The following CMTM8 variants were observed in gnomAD, a reference collection of about 807,000 sequenced individuals.
The protein encoded by CMTM8 is CKLF like MARVEL transmembrane domain containing 8.
Under a neutral mutation model 18.6 loss-of-function variants are expected in CMTM8, and 12 were observed. That is an observed-to-expected ratio of 0.65 (90% CI 0.41 to 1.05). The LOEUF is 1.05. Ranked by LOEUF, CMTM8 falls within the 50% of genes least tolerant of loss-of-function variation. The pLI, the probability that CMTM8 is intolerant of heterozygous loss-of-function variation, is 0.00. For missense variants in CMTM8, 217 were observed against 227.2 expected (o/e 0.95, Z 0.29); for synonymous variants, 87 against 90.6 (o/e 0.96, Z 0.23).
intron 1 of CMTM8, among the ~76,000 whole-genome samples, chr3:32,317,461 C>T (rs867663828): frequency 3.2e-4 from 49 of 152,102 alleles, no homozygotes; most frequent in African/African-American, 9.7e-4. Context: ...ATGGTCATAA[C>T]TTTGGATTTT....
At chr3:32,293,353 C>A (rs11718701) in intron 1 of CMTM8, among the ~76,000 whole-genome samples, 1 of 151,924 alleles carries the variant, frequency 6.6e-6, no homozygotes, top group Non-Finnish European at 1.5e-5. Flanking sequence ...GAGTTTGAGA[C>A]CAACCTGGCC....
rs114452920 is a variant in CMTM8, at chr3:32,351,174, C to T, written c.148-6199C>T. 7.9e-3 allele frequency among the ~76,000 whole-genome samples: 1,206 copies of T among 152,136 alleles called. 9 individuals are homozygous for T. The highest frequency in any genetic ancestry group is 0.025 in the South Asian group (119 of 4,810). ...GGTGAATGGAATTGAATAAAGATTC[C>T]GGAAACTGCCACAATATATTGGAAG... is the stretch of plus-strand genomic sequence containing the variant. On this transcript the variant is annotated intron_variant, in intron 1 of 3. Transcript: ENST00000307526.
At chr3:32,271,116 A>G (rs528766069) in intron 1 of CMTM8, among the ~76,000 whole-genome samples, 9 of 152,174 alleles carry the variant, frequency 5.9e-5, no homozygotes, top group Admixed American at 1.3e-4. Flanking sequence ...AGAGGTAACC[A>G]CTATCCTGTT....
chr3:32,253,679 T>C (rs1262768232), intron 1 of CMTM8, among the ~76,000 whole-genome samples: 1 of 151,936 alleles, frequency 6.6e-6, no homozygotes, highest in African/African-American at 2.4e-5. Context: ...CTAATCGTGG[T>C]AATTTATTTT....
intron 1 of CMTM8, among the ~76,000 whole-genome samples, chr3:32,290,656 T>G (rs1415742085): frequency 2.0e-5 from 3 of 152,246 alleles, no homozygotes; most frequent in African/African-American, 4.8e-5. Flanking sequence ...TTCTGTTATT[T>G]TAACAATACA....
chr3:32,353,627 T>C (rs958670676), intron 1 of CMTM8, among the ~76,000 whole-genome samples: 1 of 152,114 alleles, frequency 6.6e-6, no homozygotes, highest in Non-Finnish European at 1.5e-5. Context: ...TCCATATTTA[T>C]AAGGAAGAAA....
chr3:32,318,917 T>C (rs1695981976), intron 1 of CMTM8, among the ~76,000 whole-genome samples: 1 of 151,600 alleles, frequency 6.6e-6, no homozygotes, highest in African/African-American at 2.4e-5. Context: ...CCTTACCTAT[T>C]CTTCTTTCAG....
At chr3:32,261,460 C>G (rs1702257766) in intron 1 of CMTM8, among the ~76,000 whole-genome samples, 1 of 152,084 alleles carries the variant, frequency 6.6e-6, no homozygotes, top group South Asian at 2.1e-4. Context: ...ATTCAAGAGG[C>G]ATTTATTCCT....
intron 1 of CMTM8, among the ~76,000 whole-genome samples, chr3:32,253,772 G>GTGAGA: frequency 6.6e-6 from 1 of 152,188 alleles, no homozygotes; most frequent in Non-Finnish European, 1.5e-5. Context: ...CTGTTCACAG[G>GTGAGA]TGAGATCATA....
chr3:32,292,589 T>C (rs1702799078), intron 1 of CMTM8, among the ~76,000 whole-genome samples: 1 of 152,172 alleles, frequency 6.6e-6, no homozygotes, highest in South Asian at 2.1e-4. Flanking sequence ...TTTAGGGTTC[T>C]TATTTCTCTT....
At position 32,238,863 on chromosome 3, in the gene CMTM8, G is replaced by A. The variant is rs996011642; in HGVS notation, c.-110G>A. The A allele has an allele frequency of 8.6e-6, 9 of 1,042,408 alleles. No homozygotes were observed. Among genetic ancestry groups the A allele is most frequent in the Non-Finnish European group, 6.3e-6 (5 of 799,166 alleles). 64.6% of individuals were successfully genotyped at this position (1,042,408 alleles called of 1,614,324 possible). ...CCCCCTCGCACCTCCTGCCCCGCGC[G>A]GGCCGCGCTCCCCTCCCCCGCGCCT... On this transcript the variant is annotated 5_prime_UTR_variant, in exon 1 of 4. Coordinates refer to ENST00000307526, the MANE Select transcript of CMTM8 (RefSeq NM_178868.5).
At chr3:32,337,881 A>G (rs888921452) in intron 1 of CMTM8, among the ~76,000 whole-genome samples, 1 of 149,968 alleles carries the variant, frequency 6.7e-6, no homozygotes, top group African/African-American at 2.5e-5. Flanking sequence ...TCATTTACAT[A>G]TTGTTTATGG....
Position 32,331,404 on chromosome 3 carries a change from C to CG in CMTM8, c.148-25963dup, listed in dbSNP as rs199804669. On this transcript the variant is annotated intron_variant, in intron 1 of 3. Transcript: ENST00000307526. ...GATGAGGCCGCTCTGGAAAACAGTACGGGGGGTCCTCAAAAAATTAAAAAT... is the reference window on the plus strand; with the variant it reads ...GATGAGGCCGCTCTGGAAAACAGTACGGGGGGGTCCTCAAAAAATTAAAAAT... 5.7e-3 allele frequency among the ~76,000 whole-genome samples: 866 copies of CG among 152,108 alleles called. 4 individuals carry two copies. The highest frequency in any genetic ancestry group is 0.02 in the African/African-American group (832 of 41,482).
At chr3:32,244,502 C>T (rs77609573) in intron 1 of CMTM8, among the ~76,000 whole-genome samples, 5,611 of 152,190 alleles carry the variant, frequency 0.037, 427 homozygotes, top group East Asian at 0.32. Context: ...TTGTTTAATT[C>T]GAATTTTCTC....
chr3:32,239,139 G>A lies in CMTM8; in HGVS notation c.147+20G>A, dbSNP rs775516150. 12 of 1,580,644 alleles carry A rather than the reference G, an allele frequency of 7.6e-6. No individual in the cohort carries two copies. The highest frequency in any genetic ancestry group is 8.6e-6 in the Non-Finnish European group (10 of 1,164,162). On this transcript the variant is annotated intron_variant, in intron 1 of 3. Transcript: ENST00000307526. The stretch of plus-strand genomic sequence containing the variant: ...GAGATCGTGAGTGCCGACGGGCCGG[G>A]GGTGGCGGGGGGCTCAGCTGGACCC...
chr3:32,358,498 C>A lies in CMTM8; in HGVS notation c.321+952C>A, dbSNP rs905920829. The stretch of plus-strand genomic sequence containing the variant: ...ATATGTGAGAAAAAATATTTAGTTC[C>A]AAATAACTGACTTATGAACCAAATT... On this transcript the variant is annotated intron_variant, in intron 2 of 3. Transcript: ENST00000307526. The surrounding 1 kb of genome is among the most constrained non-coding windows in gnomAD (Gnocchi z 4.1). Among the ~76,000 whole-genome samples, 1 of 152,098 alleles carries A rather than the reference C, an allele frequency of 6.6e-6. No homozygotes were observed. The highest frequency in any genetic ancestry group is 1.5e-5 in the Non-Finnish European group (1 of 68,016).
intron 1 of CMTM8, among the ~76,000 whole-genome samples, chr3:32,306,703 A>G (rs9875310): frequency 0.32 from 48,101 of 152,074 alleles, 8,139 homozygotes; most frequent in East Asian, 0.66. Context: ...ATGAGACTGG[A>G]TACTTCCTTG....
chr3:32,268,415 G>C (rs1003921838), intron 1 of CMTM8, among the ~76,000 whole-genome samples: 2 of 152,080 alleles, frequency 1.3e-5, no homozygotes, highest in African/African-American at 2.4e-5. Context: ...GGACACAGGA[G>C]GGGGAACATC....
At chr3:32,280,508 T>C (rs965420163) in intron 1 of CMTM8, among the ~76,000 whole-genome samples, 6 of 152,168 alleles carry the variant, frequency 3.9e-5, no homozygotes. Flanking sequence ...CACTTCTTTA[T>C]TTACATAGGC....
Sources: gnomAD v4.1 joint callset for allele counts (sites outside exome capture counted in the v4.1 genomes callset) on GRCh38, gnomAD v4.1.1 for gene constraint, Gnocchi (gnomAD v3.1) non-coding constraint, MANE v1.5 for transcripts, NCBI Gene and HGNC (gene_info 2026-07-23, HGNC 2026-07-21) for gene names.